Variants in FCER1A observed in about 807,000 individuals in gnomAD.
FCER1A encodes the protein high affinity immunoglobulin epsilon receptor subunit alpha.
Under a neutral mutation model 23.6 loss-of-function variants are expected in FCER1A, and 24 were observed. The ratio of observed to expected loss-of-function variants is 1.02; its 90% CI spans 0.74 to 1.43. The LOEUF is 1.43. Among genes scored for constraint, FCER1A ranks in the 40% most tolerant of loss-of-function variants. The probability of loss-of-function intolerance (pLI) is 0.00; values close to 1 mark genes in which losing one functional copy is unlikely to be tolerated. For missense variants in FCER1A, 318 were observed against 294.5 expected, an observed-to-expected ratio of 1.08 and a Z score of -0.58; for synonymous variants, 121 against 108.8, an observed-to-expected ratio of 1.11 and a Z score of -0.70.
At chr1:159,302,003 G>T (rs1652443478), upstream of FCER1A, among the ~76,000 whole-genome samples, 1 of 152,144 alleles carries the variant, frequency 6.6e-6, no homozygotes, top group Non-Finnish European at 1.5e-5. Flanking sequence ...GTAATTAGTT[G>T]CTGCTGTTTT....
intron 1 of FCER1A, among the ~76,000 whole-genome samples, chr1:159,291,941 A>G (rs779668749): frequency 2.0e-5 from 3 of 152,148 alleles, no homozygotes; most frequent in African/African-American, 4.8e-5. Flanking sequence ...ACAAGATTCA[A>G]TGTAATTAAC....
At chr1:159,283,891 T>G in the FCER1A span, among the ~76,000 whole-genome samples, 1 of 152,122 alleles carries the variant, frequency 6.6e-6, no homozygotes, top group African/African-American at 2.4e-5. Flanking sequence ...TCCATGCTAC[T>G]AAGAGGTAAG....
At chr1:159,302,502 G>A in intron 1 of FCER1A, 83 bp downstream of exon 1, 3 of 977,398 alleles carry the variant, frequency 3.1e-6, no homozygotes, top group Admixed American at 1.7e-5. Context: ...TACTGTGGGT[G>A]GTGACTTTTT....
At chr1:159,286,384 G>A (rs1430297188), upstream of FCER1A, among the ~76,000 whole-genome samples, 4 of 151,410 alleles carry the variant, frequency 2.6e-5, no homozygotes, top group Non-Finnish European at 4.4e-5. Context: ...CCAGGCTGGA[G>A]TGCAGTGGCG....
intron 1 of FCER1A, among the ~76,000 whole-genome samples, chr1:159,290,688 T>G (rs1652127617): frequency 6.6e-6 from 1 of 152,212 alleles, no homozygotes. Flanking sequence ...TAGTACCTGT[T>G]TCATAGGATT....
upstream of FCER1A, among the ~76,000 whole-genome samples, chr1:159,285,465 G>T (rs1037131600): frequency 2.0e-5 from 3 of 151,680 alleles, no homozygotes; most frequent in Non-Finnish European, 2.9e-5. Flanking sequence ...AATTATATTA[G>T]ATATATTAAA....
At chr1:159,287,556 T>A (rs1160342079), upstream of FCER1A, among the ~76,000 whole-genome samples, 1 of 151,966 alleles carries the variant, frequency 6.6e-6, no homozygotes, top group Non-Finnish European at 1.5e-5. Flanking sequence ...AAAGGATGAA[T>A]AATTGGAGAT....
At chr1:159,288,586 T>C (rs1296283118), upstream of FCER1A, among the ~76,000 whole-genome samples, 1 of 152,206 alleles carries the variant, frequency 6.6e-6, no homozygotes, top group Non-Finnish European at 1.5e-5. Context: ...ACCTGGGTTA[T>C]CAACAGAGCT....
chr1:159,287,217 A>G (rs527984708), upstream of FCER1A, among the ~76,000 whole-genome samples: 3 of 152,330 alleles, frequency 2.0e-5, no homozygotes, highest in South Asian at 6.2e-4. Flanking sequence ...CACACTGTAA[A>G]AGGCAGGGCA....
At chr1:159,285,479 G>GA (rs1651991054), upstream of FCER1A, among the ~76,000 whole-genome samples, 1 of 151,456 alleles carries the variant, frequency 6.6e-6, no homozygotes, top group African/African-American at 2.4e-5. Flanking sequence ...TATTAAACTG[G>GA]ATATACTATA....
At chr1:159,288,761 A>C (rs36233781), upstream of FCER1A, among the ~76,000 whole-genome samples, 9,048 of 152,208 alleles carry the variant, frequency 0.059, 869 homozygotes, top group African/African-American at 0.21. Flanking sequence ...GATGGACTAT[A>C]ATAATCCTTG....
upstream of FCER1A, among the ~76,000 whole-genome samples, chr1:159,288,699 T>C (rs36233985): frequency 2.0e-5 from 3 of 152,222 alleles, no homozygotes; most frequent in Admixed American, 1.3e-4. Flanking sequence ...TGTTACTACC[T>C]GGTATATTTT....
At chr1:159,294,924 T>C (rs1197320642) in intron 1 of FCER1A, among the ~76,000 whole-genome samples, 1 of 152,154 alleles carries the variant, frequency 6.6e-6, no homozygotes, top group African/African-American at 2.4e-5. Flanking sequence ...TTAGAAAATA[T>C]AATTAGCCAA....
chr1:159,289,133 T>G (rs1044895497), upstream of FCER1A, among the ~76,000 whole-genome samples: 4 of 152,196 alleles, frequency 2.6e-5, no homozygotes, highest in Non-Finnish European at 4.4e-5. Context: ...ACTCCTTTCT[T>G]TCTTTGACTT....
intron 1 of FCER1A, 78 bp from the exon 2 acceptor site, chr1:159,302,776 T>A (rs1652474184): frequency 7.7e-7 from 1 of 1,298,968 alleles, no homozygotes; most frequent in African/African-American, 1.5e-5. Context: ...GTAGATCTTA[T>A]CCCCACACCC....
chr1:159,290,856 T>G lies in FCER1A; in HGVS notation c.-60+1103T>G, dbSNP rs145409650. 2.1e-3 allele frequency among the ~76,000 whole-genome samples: 223 copies of G among 108,686 alleles called. 1 individual carries two copies. Among genetic ancestry groups the G allele is most frequent in the Middle Eastern group, 0.017 (4 of 242 alleles). The allele number at this position is 108,686 out of a possible 152,430, so 71.3% of individuals were successfully genotyped here. On this transcript the variant is annotated intron_variant, in intron 1 of 5. Coordinates refer to the FCER1A transcript ENST00000368115. ...AATCAAGTTTTTAATAAAGTCATTG[T>G]GGTTTGGATGAACTCCCTTCTGCAT...
Position 159,304,054 on chromosome 1 carries a change from G to C in FCER1A, c.203G>C (p.Gly68Ala). The C allele has an allele frequency of 1.2e-6, 2 of 1,614,108 alleles. No homozygotes were observed. The highest frequency in any genetic ancestry group is 2.2e-5 in the South Asian group (2 of 91,078). ...EVSSTKWFHN[G>A]SLSEETNSSL... The stretch of plus-strand genomic sequence containing the variant: ...AGTTCCACCAAATGGTTCCACAATG[G>C]CAGCCTTTCAGAAGAGACAAATTCA... Residue 68 changes from glycine (G) to alanine (A), a missense_variant, in exon 3 of 5, where the codon GGC becomes GCC. By Grantham distance (60) the Gly-to-Ala change is moderately conservative. Transcript: ENST00000693622.
chr1:159,290,053 T>A (rs1652107447), intron 1 of FCER1A, among the ~76,000 whole-genome samples: 3 of 152,216 alleles, frequency 2.0e-5, no homozygotes, highest in African/African-American at 7.2e-5. Flanking sequence ...ATATAGGTGC[T>A]CTCATGGGAA....
At chr1:159,287,674 A>G (rs938050680), upstream of FCER1A, among the ~76,000 whole-genome samples, 1 of 148,372 alleles carries the variant, frequency 6.7e-6, no homozygotes, top group East Asian at 1.9e-4. Context: ...ACACATTGTT[A>G]TATATATTAT....
Sources: allele counts gnomAD v4.1 joint callset (sites outside exome capture counted in the v4.1 genomes callset), GRCh38; gene constraint gnomAD v4.1.1; transcripts MANE v1.5; gene names NCBI Gene and HGNC (gene_info 2026-07-23, HGNC 2026-07-21).